Variants in LCP1 observed in about 807,000 individuals in gnomAD.
LCP1 encodes the protein lymphocyte cytosolic protein 1.
In LCP1, 23 loss-of-function variants were observed where a neutral mutation model predicts 72.0. The ratio of observed to expected loss-of-function variants is 0.32; its 90% confidence interval spans 0.23 to 0.45. The LOEUF (loss-of-function observed/expected upper bound fraction) is 0.45. Among genes scored for constraint, LCP1 ranks in the 20% least tolerant of loss-of-function variants. LCP1 has a pLI of 1.00. For synonymous variants in LCP1, 245 were observed against 275.4 expected (o/e 0.89, Z 1.09); for missense variants, 571 against 748.3 (o/e 0.76, Z 2.76).
intron 10 of LCP1, 71 bp downstream of exon 10, chr13:46,146,837 T>G (rs947373690): frequency 1.5e-5 from 22 of 1,435,814 alleles, no homozygotes; most frequent in African/African-American, 2.8e-5. Flanking sequence ...GCTTAGGAAG[T>G]GAGTTTGAAT....
At chr13:46,141,982 T>C (rs2045701284) in intron 13 of LCP1, among the ~76,000 whole-genome samples, 1 of 151,846 alleles carries the variant, frequency 6.6e-6, no homozygotes, top group Non-Finnish European at 1.5e-5. Context: ...TCAGAAAAAA[T>C]AGATTTCAGA....
intron 7 of LCP1, among the ~76,000 whole-genome samples, chr13:46,152,387 A>G (rs1318037706): frequency 6.6e-6 from 1 of 152,172 alleles, no homozygotes; most frequent in Non-Finnish European, 1.5e-5. Context: ...AAATAGACCA[A>G]GTTCCTCCTA....
chr13:46,156,286 G>A (rs2045800535), intron 5 of LCP1, 152 bp downstream of exon 5: 12 of 755,610 alleles, frequency 1.6e-5, no homozygotes, highest in East Asian at 5.2e-5. Flanking sequence ...AATTTAGTTT[G>A]CTGTCCTGGA....
chr13:46,172,364 A>T (rs1212207519), intron 1 of LCP1, among the ~76,000 whole-genome samples: 2 of 152,108 alleles, frequency 1.3e-5, no homozygotes, highest in African/African-American at 4.8e-5. Flanking sequence ...GGTGCCTGTA[A>T]TCCCAGCTAC....
intron 6 of LCP1, among the ~76,000 whole-genome samples, chr13:46,153,423 T>C (rs930956759): frequency 1.3e-5 from 2 of 152,118 alleles, no homozygotes; most frequent in African/African-American, 4.8e-5. Flanking sequence ...ATGAAAAGGC[T>C]GGCACGGTGG....
chr13:46,153,443 A>G lies in LCP1; in HGVS notation c.574-498T>C, dbSNP rs185317263. ...AAGGCTGGCACGGTGGCTCATGCCC[A>G]TAATCCCGGCACTTTGAGAGGTCAA... On this transcript the variant is annotated intron_variant, in intron 6 of 15. Transcript: ENST00000323076. Among the ~76,000 whole-genome samples the G allele has an allele frequency of 2.5e-3, 374 of 152,302 alleles. 2 individuals carry two copies. The highest frequency in any genetic ancestry group is 3.5e-3 in the Non-Finnish European group (237 of 68,022).
intron 1 of LCP1, among the ~76,000 whole-genome samples, chr13:46,174,615 A>C (rs1379978179): frequency 6.6e-6 from 1 of 152,090 alleles, no homozygotes; most frequent in Non-Finnish European, 1.5e-5. Flanking sequence ...AGGCCGAAGT[A>C]GGGGGATCGC....
At chr13:46,166,648 G>C (rs143241512) in intron 1 of LCP1, among the ~76,000 whole-genome samples, 102 of 152,234 alleles carry the variant, frequency 6.7e-4, no homozygotes, top group African/African-American at 2.2e-3. Flanking sequence ...AATATTGTAA[G>C]CTTTAGCATT....
intron 1 of LCP1, among the ~76,000 whole-genome samples, chr13:46,164,762 G>A (rs1426084637): frequency 1.3e-5 from 2 of 152,162 alleles, no homozygotes; most frequent in African/African-American, 4.8e-5. Context: ...AACTTTTGGA[G>A]ACAGAAGGAA....
At chr13:46,139,638 G>T (rs577701920) in intron 13 of LCP1, among the ~76,000 whole-genome samples, 105 of 152,276 alleles carry the variant, frequency 6.9e-4, no homozygotes, top group African/African-American at 2.5e-3. Flanking sequence ...AGTATAGGGG[G>T]AAAGACTGAA....
At chr13:46,143,807 C>T (rs2045712813) in intron 11 of LCP1, among the ~76,000 whole-genome samples, 1 of 152,320 alleles carries the variant, frequency 6.6e-6, no homozygotes, top group Admixed American at 6.5e-5. Context: ...TGGCTCACGC[C>T]TGTAATCCCA....
chr13:46,156,885 G>A (rs1192624817), intron 4 of LCP1, among the ~76,000 whole-genome samples: 3 of 149,552 alleles, frequency 2.0e-5, no homozygotes, highest in Admixed American at 6.6e-5. Context: ...GCAGTGGCGC[G>A]ATCTCGGCTC....
intron 9 of LCP1, 69 bp downstream of exon 9, chr13:46,148,283 C>T (rs2045742501): frequency 9.1e-7 from 1 of 1,103,538 alleles, no homozygotes; most frequent in South Asian, 1.3e-5. Context: ...CAGGGCCACA[C>T]AAGGTAATGG....
chr13:46,145,062 T>G (rs1452604292), intron 10 of LCP1, among the ~76,000 whole-genome samples: 1 of 152,156 alleles, frequency 6.6e-6, no homozygotes, highest in Non-Finnish European at 1.5e-5. Context: ...AGGCAAGGTC[T>G]CTATTAAGAA....
In LCP1 at chr13:46,148,383, G is replaced by A. The variant is rs751926649; in HGVS notation, c.947C>T (p.Pro316Leu). 1 of 1,613,478 alleles carries A rather than the reference G, an allele frequency of 6.2e-7. No homozygotes were observed. Among genetic ancestry groups the A allele is most frequent in the Non-Finnish European group, 8.5e-7 (1 of 1,179,858 alleles). The change falls in exon 9 of 16, where the codon CCT becomes CTT. Residue 316 changes from proline to leucine, a missense_variant. Pro to Leu is a moderately conservative substitution (Grantham distance 98, BLOSUM62 -3). Coordinates refer to ENST00000323076, the MANE Select transcript of LCP1 (RefSeq NM_002298.5). ...TCCTGACATGTCAATAACAACAGCA[G>A]GAACACCTTCTTCATCTCCTTTTGG... ...VAPKGDEEGV[P>L]AVVIDMSGLR... is the part of the protein sequence containing the mutation.
At chr13:46,162,373 C>T (rs543055563) in intron 1 of LCP1, among the ~76,000 whole-genome samples, 34 of 151,340 alleles carry the variant, frequency 2.2e-4, no homozygotes, top group African/African-American at 8.0e-4. Context: ...TGTACTGCTG[C>T]CGTATGGGCT....
At position 46,127,626 on chromosome 13, in the gene LCP1, C is replaced by A. The variant is rs1235569535; in HGVS notation, c.1849G>T (p.Ala617Ser). The change falls in exon 16 of 16, where the codon GCC becomes TCC. Residue 617 changes from alanine (A) to serine (S), a missense_variant. Coordinates refer to ENST00000323076, the MANE Select transcript of LCP1 (RefSeq NM_002298.5). ...VNPKMVMTVFACLMGKGMKRV is the reference protein window; with the variant it reads ...VNPKMVMTVFSCLMGKGMKRV ...TTCATTCCTTTCCCCATGAGGCAGG[C>A]AAACACGGTCATGACCATTTTGGGG... 1 of 1,614,178 alleles carries A rather than the reference C, an allele frequency of 6.2e-7. No individual in the cohort carries two copies. The highest frequency in any genetic ancestry group is 2.2e-5 in the East Asian group (1 of 44,884).
chr13:46,128,831 CACT>C (rs1290627214), intron 15 of LCP1, among the ~76,000 whole-genome samples: 2 of 152,136 alleles, frequency 1.3e-5, no homozygotes, highest in Admixed American at 1.3e-4. Flanking sequence ...AATGAGCCCA[CACT>C]ACTACCTGGC....
chr13:46,153,723 G>A (rs1013080869), intron 6 of LCP1, among the ~76,000 whole-genome samples: 5 of 150,522 alleles, frequency 3.3e-5, no homozygotes, highest in Admixed American at 1.3e-4. Flanking sequence ...AAAAGAAAAC[G>A]AAAATGAAAA....
Sources: gnomAD v4.1 joint callset for allele counts (sites outside exome capture counted in the v4.1 genomes callset) on GRCh38, gnomAD v4.1.1 for gene constraint, MANE v1.5 for transcripts, NCBI Gene and HGNC (gene_info 2026-07-23, HGNC 2026-07-21) for gene names.